Variants in SLC22A23 observed in about 807,000 individuals in gnomAD.
The protein encoded by SLC22A23 is solute carrier family 22 member 23, also known as ion transporter protein.
SLC22A23 carries 26 observed loss-of-function variants against 61.0 expected under a neutral mutation model. The observed-to-expected ratio is 0.43, with a 90% confidence interval of 0.31 to 0.59. The LOEUF (loss-of-function observed/expected upper bound fraction) is 0.59. SLC22A23 is among the 20% of genes least tolerant of loss of function. The pLI is 0.11. For missense variants in SLC22A23, 796 were observed against 934.7 expected, an observed-to-expected ratio of 0.85 and a Z score of 1.94; for synonymous variants, 430 against 413.9, an observed-to-expected ratio of 1.04 and a Z score of -0.47.
chr6:3,293,900 G>A (rs1165387977), intron 5 of SLC22A23, among the ~76,000 whole-genome samples: 5 of 152,166 alleles, frequency 3.3e-5, no homozygotes, highest in South Asian at 2.1e-4. Flanking sequence ...GGGGGCGCTC[G>A]GATCACACAG....
intron 3 of SLC22A23, among the ~76,000 whole-genome samples, chr6:3,343,018 GTT>G (rs1266248753): frequency 3.9e-5 from 6 of 152,182 alleles, no homozygotes; most frequent in African/African-American, 1.4e-4. Context: ...AGTAAGGTGT[GTT>G]TATGCAATTT....
Position 3,287,172 on chromosome 6 carries a change from A to G in SLC22A23, c.1314-81T>C, listed in dbSNP as rs1214571373. On this transcript the variant is annotated intron_variant, in intron 6 of 9. Transcript: ENST00000406686. ...CTGCCTCCTGGGAGTTCGTGCTGTC[A>G]GGTGACCAGGAGATGAAGAAGCAAC... 6 of 1,319,192 alleles carry G rather than the reference A, an allele frequency of 4.5e-6. No individual in the cohort carries two copies. In the African/African-American group the frequency reaches 5.8e-5, roughly 13 times the overall value. The allele number at this position is 1,319,192 out of a possible 1,614,324, so 81.7% of individuals were successfully genotyped here. A position where few individuals can be genotyped will look rare whatever the true frequency, so the allele number is the denominator to read the frequency against.
rs750923632 is a variant in SLC22A23, at chr6:3,323,882, A to G, written c.1034T>C (p.Leu345Pro). 1 of 1,614,150 alleles carries G rather than the reference A, an allele frequency of 6.2e-7. No individual in the cohort carries two copies. Among genetic ancestry groups the G allele is most frequent in the South Asian group, 1.1e-5 (1 of 91,076 alleles). ...LAALCRDWQV[L>P]QALIICPFLL... ...GAAGGGGCAGATGATGAGGGCCTGCAGCACCTGCCAATCCCGGCACAGGGC... is the reference window on the plus strand; with the variant it reads ...GAAGGGGCAGATGATGAGGGCCTGCGGCACCTGCCAATCCCGGCACAGGGC... The change falls in exon 4 of 10, where the codon CTG becomes CCG. Residue 345 changes from leucine (L) to proline (P), a missense_variant. Transcript: ENST00000406686.
intron 3 of SLC22A23, among the ~76,000 whole-genome samples, chr6:3,403,352 A>G (rs1337423355): frequency 3.4e-5 from 5 of 146,046 alleles, no homozygotes; most frequent in East Asian, 2.0e-4. Context: ...CCAGGTGTGG[A>G]AAAAAAAAAA....
Position 3,329,695 on chromosome 6 carries a change from G to A in SLC22A23, c.914-5693C>T, listed in dbSNP as rs894647771. Among the ~76,000 whole-genome samples the A allele has an allele frequency of 1.3e-5, 2 of 152,192 alleles. No individual in the cohort carries two copies. Among genetic ancestry groups the A allele is most frequent in the Admixed American group, 1.3e-4 (2 of 15,280 alleles). On this transcript the variant is annotated intron_variant, in intron 3 of 9. Transcript: ENST00000406686. The surrounding 1 kb of genome is among the most constrained non-coding windows in gnomAD (Gnocchi z 4.8). ...CGTACCTACCACATGAGGTGGTCAT[G>A]AGAAAACGACACTCACGAAGCACTC...
At chr6:3,291,271 A>G (rs530134055) in intron 5 of SLC22A23, 2 of 152,098 alleles carry the variant, frequency 1.3e-5, no homozygotes, top group African/African-American at 4.8e-5. Context: ...CTCAAGTTCA[A>G]CCCTCCTCTT....
At chr6:3,326,765 T>C (rs1763305108) in intron 3 of SLC22A23, among the ~76,000 whole-genome samples, 2 of 152,258 alleles carry the variant, frequency 1.3e-5, no homozygotes, top group African/African-American at 4.8e-5. Context: ...CCAGTAAATC[T>C]TTCCAAACTG....
At position 3,318,724 on chromosome 6, in the gene SLC22A23, G is replaced by A. The variant is rs966461526; in HGVS notation, c.1082+5110C>T. Among the ~76,000 whole-genome samples the A allele has an allele frequency of 2.0e-5, 3 of 152,118 alleles. No homozygotes were observed. The highest frequency in any genetic ancestry group is 7.2e-5 in the African/African-American group (3 of 41,404). The stretch of plus-strand genomic sequence containing the variant: ...AAACCCACATCTTAACACAGGCTGC[G>A]GCCTCAGTCAAGTCTCCTGGTCACC... On this transcript the variant is annotated intron_variant, in intron 4 of 9. Transcript: ENST00000406686. This position sits in a 1 kb window ranked among gnomAD's most constrained non-coding sequence, Gnocchi z 4.3.
chr6:3,315,637 A>G (rs1581677813), intron 4 of SLC22A23, among the ~76,000 whole-genome samples: 1 of 152,172 alleles, frequency 6.6e-6, no homozygotes, highest in Admixed American at 6.5e-5. Flanking sequence ...AGGCCGAGGC[A>G]GGCGGATCAC....
At chr6:3,431,433 T>C (rs1770855451) in intron 1 of SLC22A23, among the ~76,000 whole-genome samples, 1 of 152,214 alleles carries the variant, frequency 6.6e-6, no homozygotes, top group Non-Finnish European at 1.5e-5. Flanking sequence ...GAGGGAGGGC[T>C]GTTAAAGGTT....
intron 1 of SLC22A23, among the ~76,000 whole-genome samples, chr6:3,455,002 AG>A (rs1772324274): frequency 6.6e-6 from 1 of 152,252 alleles, no homozygotes; most frequent in Admixed American, 6.5e-5. Flanking sequence ...TTTAGACACA[AG>A]GAGCAAAACT....
rs896440600 is a variant in SLC22A23 at position 3,427,318 on chromosome 6, C to T, written c.655-11463G>A. Among the ~76,000 whole-genome samples, 1 of 152,140 alleles carries T rather than the reference C, an allele frequency of 6.6e-6. No individual in the cohort carries two copies. Among genetic ancestry groups the T allele is most frequent in the Non-Finnish European group, 1.5e-5 (1 of 68,030 alleles). ...TAAGCAGGTCCTCGGGGGCTTATGT[C>T]TGTTGGTAAGTAACATTTTGGATCT... is the stretch of plus-strand genomic sequence containing the variant. On this transcript the variant is annotated intron_variant, in intron 1 of 9. Transcript: ENST00000406686. The surrounding 1 kb of genome is among the most constrained non-coding windows in gnomAD (Gnocchi z 4.3).
intron 3 of SLC22A23, among the ~76,000 whole-genome samples, chr6:3,380,190 C>T (rs1339612839): frequency 6.6e-6 from 1 of 152,192 alleles, no homozygotes. Context: ...CTTACCCAAA[C>T]TCAACAAGGT....
chr6:3,409,809 G>A (rs537791613), intron 3 of SLC22A23, among the ~76,000 whole-genome samples: 2 of 152,364 alleles, frequency 1.3e-5, no homozygotes, highest in African/African-American at 4.8e-5. Flanking sequence ...ACATGAGAAT[G>A]TGGAAAGTTT....
At chr6:3,287,179 C>G in intron 6 of SLC22A23, 88 bp from the exon 7 acceptor site, 1 of 1,251,226 alleles carries the variant, frequency 8.0e-7, no homozygotes, top group Non-Finnish European at 1.1e-6. Context: ...GTCAGGTGAC[C>G]AGGAGATGAA....
At chr6:3,351,665 T>G (rs1764778062) in intron 3 of SLC22A23, among the ~76,000 whole-genome samples, 1 of 145,428 alleles carries the variant, frequency 6.9e-6, no homozygotes, top group South Asian at 2.4e-4. Context: ...AACACGTCAC[T>G]GGCCACTTCA....
At chr6:3,285,036 T>C in intron 8 of SLC22A23, 43 bp downstream of exon 8, 1 of 1,607,940 alleles carries the variant, frequency 6.2e-7, no homozygotes, top group South Asian at 1.1e-5. Context: ...CATTTAGATG[T>C]AATATGAGAC....
chr6:3,338,328 G>A (rs1763969666), intron 3 of SLC22A23, among the ~76,000 whole-genome samples: 1 of 152,136 alleles, frequency 6.6e-6, no homozygotes, highest in South Asian at 2.1e-4. Context: ...CTGTTAATCT[G>A]CCTTTATTTC....
chr6:3,446,278 T>G (rs1176972115), intron 1 of SLC22A23, among the ~76,000 whole-genome samples: 2 of 152,098 alleles, frequency 1.3e-5, no homozygotes, highest in Admixed American at 1.3e-4. Flanking sequence ...CAAACCCTAA[T>G]AGGTTGGTGG....
Sources: gnomAD v4.1 joint callset for allele counts (sites outside exome capture counted in the v4.1 genomes callset) on GRCh38, gnomAD v4.1.1 for gene constraint, Gnocchi (gnomAD v3.1) non-coding constraint, MANE v1.5 for transcripts, NCBI Gene and HGNC (gene_info 2026-07-23, HGNC 2026-07-21) for gene names.